Variants in R3HDM1 observed in about 807,000 individuals in gnomAD.
R3HDM1 encodes the protein R3H domain containing 1, also known as R3H domain-containing protein 1.
Under a neutral mutation model 141.1 loss-of-function variants are expected in R3HDM1, and 46 were observed. That is an observed-to-expected ratio of 0.33 (90% CI 0.26 to 0.42). R3HDM1 has a LOEUF of 0.42. Ranked by LOEUF, R3HDM1 falls within the 10% of genes least tolerant of loss-of-function variation. R3HDM1 has a pLI of 1.00. For missense variants in R3HDM1, 1,184 were observed against 1,368.3 expected, an observed-to-expected ratio of 0.87 and a Z score of 2.12; for synonymous variants, 435 against 472.9, an observed-to-expected ratio of 0.92 and a Z score of 1.04.
intron 1 of R3HDM1, among the ~76,000 whole-genome samples, chr2:135,538,922 TTTG>T (rs142600652): frequency 0.25 from 38,524 of 151,676 alleles, 8,608 homozygotes; most frequent in African/African-American, 0.59. Flanking sequence ...CTTAAAAGTT[TTTG>T]TTGTTGTTGT....
chr2:135,678,920 C>T (rs541396577), intron 20 of R3HDM1, among the ~76,000 whole-genome samples: 15 of 151,806 alleles, frequency 9.9e-5, no homozygotes, highest in African/African-American at 3.1e-4. Flanking sequence ...CCACTACTCC[C>T]GGCTAATTTC....
At chr2:135,592,954 T>C (rs2105068792) in intron 1 of R3HDM1, among the ~76,000 whole-genome samples, 1 of 151,960 alleles carries the variant, frequency 6.6e-6, no homozygotes, top group South Asian at 2.1e-4. Flanking sequence ...GAGTCTCACT[T>C]TTTCGCCCAG....
At chr2:135,655,300 T>G (rs2065691485) in intron 18 of R3HDM1, among the ~76,000 whole-genome samples, 1 of 152,212 alleles carries the variant, frequency 6.6e-6, no homozygotes, top group African/African-American at 2.4e-5. Flanking sequence ...TAAATAACCT[T>G]GGAATCCTTG....
In R3HDM1 at chr2:135,631,857, C is replaced by G. The variant is rs770765908; in HGVS notation, c.558-4C>G. 6.2e-7 allele frequency: 1 copy of G among 1,604,880 alleles called. No homozygotes were observed. Among genetic ancestry groups the G allele is most frequent in the South Asian group, 1.1e-5 (1 of 88,896 alleles). On this transcript the variant is annotated splice_region_variant and splice_polypyrimidine_tract_variant and intron_variant, in intron 8 of 26. Transcript: ENST00000683871. Reference sequence around the variant, plus strand: ...TACTAAGTTGGTTTTTCTTGTGCTTCTAGGTCTCCACGTAAAAAATTCCCC... The same window carrying G: ...TACTAAGTTGGTTTTTCTTGTGCTTGTAGGTCTCCACGTAAAAAATTCCCC...
chr2:135,585,435 A>G (rs1248816934), intron 1 of R3HDM1, among the ~76,000 whole-genome samples: 1 of 152,182 alleles, frequency 6.6e-6, no homozygotes, highest in Non-Finnish European at 1.5e-5. Context: ...CGTGCAGGTA[A>G]CGTATGAGCA....
At chr2:135,560,745 A>G (rs1701651822) in intron 1 of R3HDM1, among the ~76,000 whole-genome samples, 2 of 152,228 alleles carry the variant, frequency 1.3e-5, no homozygotes, top group Non-Finnish European at 2.9e-5. Flanking sequence ...CTTTCTGGGC[A>G]TCTGGAACAG....
chr2:135,641,078 C>T (rs1332920466), intron 14 of R3HDM1, among the ~76,000 whole-genome samples: 2 of 152,126 alleles, frequency 1.3e-5, no homozygotes, highest in Admixed American at 6.5e-5. Context: ...CAGAATTTAT[C>T]ATTTATTTCT....
At chr2:135,633,942 A>G (rs1260861929) in intron 9 of R3HDM1, 1 of 152,198 alleles carries the variant, frequency 6.6e-6, no homozygotes, top group Admixed American at 6.5e-5. Context: ...TCACTTTGGA[A>G]TAGCAGTCTC....
intron 11 of R3HDM1, among the ~76,000 whole-genome samples, chr2:135,636,564 T>A (rs1207427804): frequency 6.6e-6 from 1 of 152,186 alleles, no homozygotes; most frequent in East Asian, 1.9e-4. Flanking sequence ...TAGTTGACTT[T>A]CTTTGACAAA....
At chr2:135,596,350 CTCATT>C (rs1244748333) in intron 1 of R3HDM1, among the ~76,000 whole-genome samples, 1 of 152,194 alleles carries the variant, frequency 6.6e-6, no homozygotes, top group South Asian at 2.1e-4. Context: ...TTTTGTTATT[CTCATT>C]TATTTTCAGG....
At chr2:135,595,824 C>T (rs1445525405) in intron 1 of R3HDM1, among the ~76,000 whole-genome samples, 1 of 152,128 alleles carries the variant, frequency 6.6e-6, no homozygotes, top group African/African-American at 2.4e-5. Context: ...TTTCAGCTTT[C>T]ACCTTTTGAT....
At chr2:135,569,884 G>A (rs190229954) in intron 1 of R3HDM1, among the ~76,000 whole-genome samples, 1 of 152,054 alleles carries the variant, frequency 6.6e-6, no homozygotes, top group East Asian at 1.9e-4. Context: ...CCACCAACAT[G>A]CCTGGCTAAT....
chr2:135,542,394 G>T lies in R3HDM1; in HGVS notation c.-250+10761G>T, dbSNP rs188088606. Among the ~76,000 whole-genome samples, 163 of 152,240 alleles carry T rather than the reference G, an allele frequency of 1.1e-3. 1 individual carries two copies. Among genetic ancestry groups the T allele is most frequent in the Non-Finnish European group, 1.7e-3 (113 of 68,000 alleles). On this transcript the variant is annotated intron_variant, in intron 1 of 26. Transcript: ENST00000683871. The stretch of plus-strand genomic sequence containing the variant: ...GCACAATAGAAATACCTCTAACACT[G>T]AACAAATCCAAGTTACAGTTTTTGT...
At chr2:135,713,812 A>G (rs1479152550) in intron 23 of R3HDM1, among the ~76,000 whole-genome samples, 3 of 152,156 alleles carry the variant, frequency 2.0e-5, no homozygotes, top group African/African-American at 7.2e-5. Flanking sequence ...GGATGGAAGA[A>G]AAATAGGGAC....
At chr2:135,678,548 GACC>G (rs1289567111) in intron 20 of R3HDM1, among the ~76,000 whole-genome samples, 1 of 151,536 alleles carries the variant, frequency 6.6e-6, no homozygotes, top group Non-Finnish European at 1.5e-5. Context: ...AGAAGTTTGA[GACC>G]AGCCTGGCCA....
chr2:135,539,512 T>C (rs913177343), intron 1 of R3HDM1, among the ~76,000 whole-genome samples: 1 of 152,182 alleles, frequency 6.6e-6, no homozygotes, highest in Admixed American at 6.5e-5. Flanking sequence ...ATTGTATTGA[T>C]ACAGCAACTA....
intron 1 of R3HDM1, among the ~76,000 whole-genome samples, chr2:135,556,125 A>G (rs1214872650): frequency 6.6e-6 from 1 of 152,200 alleles, no homozygotes; most frequent in Non-Finnish European, 1.5e-5. Context: ...ACAAAGGACC[A>G]TGTACTGTAT....
At position 135,604,930 on chromosome 2, in the gene R3HDM1, G is replaced by A; in HGVS notation, c.85G>A (p.Val29Ile). Reference sequence around the variant, plus strand: ...GGCAGAAGTGAAAGATACAACCAGAGTTGAAAATCTTATCAAATCAGAAAA... The same window carrying A: ...GGCAGAAGTGAAAGATACAACCAGAATTGAAAATCTTATCAAATCAGAAAA... ...LEAEVKDTTR[V>I]ENLIKSENYG... Residue 29 changes from valine to isoleucine, a missense_variant, in exon 3 of 27, where the codon GTT (valine) becomes ATT (isoleucine). By Grantham distance (29) the Val-to-Ile change is conservative. This residue lies in a region of R3HDM1 where 192 missense variants were observed against 215.7 expected (regional missense o/e 0.89). Coordinates refer to ENST00000683871, the MANE Select transcript of R3HDM1 (RefSeq NM_001378107.1). 6.2e-7 allele frequency: 1 copy of A among 1,612,182 alleles called. No individual in the cohort carries two copies. Among genetic ancestry groups the A allele is most frequent in the South Asian group, 1.1e-5 (1 of 91,034 alleles).
intron 1 of R3HDM1, among the ~76,000 whole-genome samples, chr2:135,563,170 C>T (rs1324303805): frequency 6.6e-6 from 1 of 152,174 alleles, no homozygotes; most frequent in African/African-American, 2.4e-5. Flanking sequence ...CATACTCAGG[C>T]ACTCTGAAAT....
Sources: gnomAD v4.1 joint callset for allele counts (sites outside exome capture counted in the v4.1 genomes callset) on GRCh38, gnomAD v4.1.1 for gene constraint, gnomAD v4.1.1 regional missense constraint, MANE v1.5 for transcripts, NCBI Gene and HGNC (gene_info 2026-07-23, HGNC 2026-07-21) for gene names.